The following CCSER1 variants were observed in gnomAD, a reference collection of about 807,000 sequenced individuals.
CCSER1 encodes the protein coiled-coil serine rich protein 1, also known as serine-rich coiled-coil domain-containing protein 1.
In CCSER1, 41 loss-of-function variants were observed where a neutral mutation model predicts 82.0. That is an observed-to-expected ratio of 0.50 (90% CI 0.39 to 0.65). The LOEUF (loss-of-function observed/expected upper bound fraction) is 0.65, where lower values mean the gene tolerates loss of function less well. CCSER1 is among the 30% of genes least tolerant of loss of function. The pLI is 0.00. For missense variants in CCSER1, 1,119 were observed against 1,064.2 expected (o/e 1.05, Z -0.72); for synonymous variants, 414 against 383.9 (o/e 1.08, Z -0.92).
intron 10 of CCSER1, chr4:91,319,574 AATAAGTGTCACAAAGAAGC>A (rs1746054362): frequency 2.3e-6 from 1 of 441,266 alleles, no homozygotes. Flanking sequence ...AGAAGTAAAG[AATAAGTGTCACAAAGAAGC>A]AATAGTTGGT....
chr4:90,887,575 T>G (rs1197977427), intron 8 of CCSER1, among the ~76,000 whole-genome samples: 1 of 152,198 alleles, frequency 6.6e-6, no homozygotes, highest in East Asian at 1.9e-4. Context: ...GAAGAGATGT[T>G]AAATCTAATT....
chr4:90,596,847 G>A (rs1281300231), intron 5 of CCSER1, among the ~76,000 whole-genome samples: 3 of 151,784 alleles, frequency 2.0e-5, no homozygotes, highest in Non-Finnish European at 4.4e-5. Context: ...AAAATTTCAA[G>A]TGTACTGTAA....
intron 10 of CCSER1, among the ~76,000 whole-genome samples, chr4:91,232,488 A>G (rs765437400): frequency 1.8e-4 from 27 of 151,942 alleles, no homozygotes; most frequent in Middle Eastern, 6.8e-3. Context: ...ATAATATACT[A>G]TCATTTGGAT....
At chr4:90,905,984 A>G (rs1725414691) in intron 8 of CCSER1, among the ~76,000 whole-genome samples, 1 of 152,208 alleles carries the variant, frequency 6.6e-6, no homozygotes, top group African/African-American at 2.4e-5. Flanking sequence ...TTTAATTTGC[A>G]TAATTAAATG....
At chr4:90,972,450 A>T (rs1238174974) in intron 9 of CCSER1, among the ~76,000 whole-genome samples, 2 of 151,848 alleles carry the variant, frequency 1.3e-5, no homozygotes, top group Non-Finnish European at 1.5e-5. Flanking sequence ...AAAAAAACTT[A>T]AGAATAAATT....
chr4:91,249,299 G>T (rs373686621), intron 10 of CCSER1, among the ~76,000 whole-genome samples: 10 of 152,254 alleles, frequency 6.6e-5, no homozygotes, highest in African/African-American at 1.9e-4. Context: ...GGAGGAAAAA[G>T]TCCTTTTTCT....
intron 3 of CCSER1, among the ~76,000 whole-genome samples, chr4:90,318,445 A>G (rs556353445): frequency 6.6e-6 from 1 of 152,346 alleles, no homozygotes; most frequent in Non-Finnish European, 1.5e-5. Flanking sequence ...TTTTACTCTG[A>G]CACAGCATGT....
chr4:91,003,660 A>G (rs1738245592), intron 9 of CCSER1, among the ~76,000 whole-genome samples: 1 of 152,108 alleles, frequency 6.6e-6, no homozygotes, highest in East Asian at 1.9e-4. Context: ...CTATGAGAGC[A>G]GTTAGGGCTT....
chr4:91,538,711 A>ATATATATATT (rs376318252), intron 10 of CCSER1, among the ~76,000 whole-genome samples: 3 of 25,962 alleles, frequency 1.2e-4, no homozygotes, highest in Non-Finnish European at 2.2e-4. Flanking sequence ...ATATATATAT[A>ATATATATATT]ATATCTCAGT....
At chr4:90,888,787 A>G (rs1426282654) in intron 8 of CCSER1, among the ~76,000 whole-genome samples, 3 of 152,170 alleles carry the variant, frequency 2.0e-5, no homozygotes, top group African/African-American at 7.2e-5. Flanking sequence ...TCAATTTTCT[A>G]TCCAGTACAG....
intron 10 of CCSER1, among the ~76,000 whole-genome samples, chr4:91,504,341 C>T (rs569348696): frequency 6.6e-6 from 1 of 152,144 alleles, no homozygotes; most frequent in Non-Finnish European, 1.5e-5. Flanking sequence ...TTTTTTTCCA[C>T]CTATTGACCA....
intron 10 of CCSER1, among the ~76,000 whole-genome samples, chr4:91,313,573 C>T (rs986023011): frequency 5.3e-5 from 8 of 151,942 alleles, no homozygotes; most frequent in Non-Finnish European, 1.0e-4. Flanking sequence ...CCCCTTGACT[C>T]TTGTCTGGCC....
intron 8 of CCSER1, among the ~76,000 whole-genome samples, chr4:90,856,123 C>T (rs945938401): frequency 3.3e-5 from 5 of 152,042 alleles, no homozygotes; most frequent in Non-Finnish European, 5.9e-5. Flanking sequence ...TTATTCCCCC[C>T]ATCTTCCTTT....
intron 10 of CCSER1, among the ~76,000 whole-genome samples, chr4:91,405,153 C>G (rs936581702): frequency 1.3e-5 from 2 of 151,676 alleles, no homozygotes; most frequent in South Asian, 4.1e-4. Flanking sequence ...TATGTAATGG[C>G]TATCTTTGTC....
At chr4:91,578,962 GA>G (rs1471067426) in intron 10 of CCSER1, among the ~76,000 whole-genome samples, 1 of 151,690 alleles carries the variant, frequency 6.6e-6, no homozygotes, top group Admixed American at 6.6e-5. Flanking sequence ...ACACATCAGA[GA>G]AATCACAAAT....
chr4:90,637,807 C>T (rs1579630144), intron 6 of CCSER1, among the ~76,000 whole-genome samples: 2 of 152,232 alleles, frequency 1.3e-5, no homozygotes, highest in East Asian at 3.9e-4. Context: ...GCAATTCTTT[C>T]TTATAAAGGT....
chr4:91,177,175 G>C (rs1243284095), intron 10 of CCSER1, among the ~76,000 whole-genome samples: 2 of 152,156 alleles, frequency 1.3e-5, no homozygotes, highest in African/African-American at 2.4e-5. Context: ...AAGCCAACTT[G>C]ATCATGGTGG....
At chr4:90,839,355 G>A (rs1762273323) in intron 8 of CCSER1, among the ~76,000 whole-genome samples, 1 of 152,194 alleles carries the variant, frequency 6.6e-6, no homozygotes, top group Admixed American at 6.5e-5. Flanking sequence ...GTAAACAAAT[G>A]TGAGTGAGCT....
chr4:90,694,248 GCTAA>G (rs35409118), intron 6 of CCSER1, among the ~76,000 whole-genome samples: 20,474 of 151,816 alleles, frequency 0.13, 1,568 homozygotes, highest in East Asian at 0.29. Context: ...TAGGTACCTT[GCTAA>G]CTAACTACTT....
Sources: allele counts gnomAD v4.1 joint callset (sites outside exome capture counted in the v4.1 genomes callset), GRCh38; gene constraint gnomAD v4.1.1; transcripts MANE v1.5; gene names NCBI Gene and HGNC (gene_info 2026-07-23, HGNC 2026-07-21).